The following EPB41L4A variants were observed in gnomAD, a reference collection of about 807,000 sequenced individuals.
EPB41L4A encodes erythrocyte membrane protein band 4.1 like 4A, also known as band 4.1-like protein 4A.
A neutral mutation model predicts 108.6 loss-of-function variants in EPB41L4A; 100 were observed. The ratio of observed to expected loss-of-function variants is 0.92; its 90% CI spans 0.78 to 1.09. EPB41L4A has a LOEUF of 1.09. Among genes scored for constraint, EPB41L4A ranks in the 50% least tolerant of loss-of-function variants. EPB41L4A has a pLI of 0.00. For synonymous variants in EPB41L4A, 319 were observed against 289.0 expected (o/e 1.10, Z -1.05); for missense variants, 1,030 against 842.7 (o/e 1.22, Z -2.75).
chr5:112,171,075 T>G (rs1170624169), intron 18 of EPB41L4A, 83 bp from the exon 19 acceptor site: 4 of 1,231,920 alleles, frequency 3.2e-6, no homozygotes, highest in Non-Finnish European at 4.7e-6. Context: ...GTTTTCAGAC[T>G]GTGAAGTTCT....
At chr5:112,359,000 G>A (rs1042327462) in intron 1 of EPB41L4A, among the ~76,000 whole-genome samples, 1 of 152,102 alleles carries the variant, frequency 6.6e-6, no homozygotes. Context: ...TTAGCCTAAA[G>A]GGCTAAAATT....
chr5:112,171,938 T>C (rs1760603384), intron 18 of EPB41L4A, among the ~76,000 whole-genome samples: 1 of 135,626 alleles, frequency 7.4e-6, no homozygotes, highest in Non-Finnish European at 1.5e-5. Context: ...ATAATGCTTT[T>C]AGTGTATGAT....
intron 1 of EPB41L4A, among the ~76,000 whole-genome samples, chr5:112,310,820 A>G (rs777231341): frequency 2.4e-4 from 37 of 152,148 alleles, no homozygotes; most frequent in South Asian, 8.3e-4. Flanking sequence ...GGCTCCCAGA[A>G]TAACTGACAG....
chr5:112,259,392 C>T, intron 8 of EPB41L4A, 100 bp from the exon 9 acceptor site: 1 of 881,110 alleles, frequency 1.1e-6, no homozygotes, highest in Non-Finnish European at 1.9e-6. Context: ...AATACTGGCT[C>T]CTTTATATAC....
chr5:112,243,004 A>G (rs1749911362), intron 9 of EPB41L4A, among the ~76,000 whole-genome samples: 1 of 152,138 alleles, frequency 6.6e-6, no homozygotes, highest in Admixed American at 6.5e-5. Context: ...ACCTGAGGTC[A>G]GGAGTTCAAG....
chr5:112,254,189 G>A (rs1335661189), intron 9 of EPB41L4A, among the ~76,000 whole-genome samples: 2 of 151,996 alleles, frequency 1.3e-5, no homozygotes, highest in Admixed American at 1.3e-4. Context: ...CCAATTTCTG[G>A]GCTTAGTCCT....
intron 1 of EPB41L4A, among the ~76,000 whole-genome samples, chr5:112,351,880 G>C (rs1758065286): frequency 1.3e-5 from 2 of 152,266 alleles, no homozygotes; most frequent in Non-Finnish European, 2.9e-5. Context: ...TCCATCAACA[G>C]AATGAAAGAA....
intron 1 of EPB41L4A, among the ~76,000 whole-genome samples, chr5:112,333,724 A>G (rs1004978375): frequency 3.3e-5 from 5 of 152,246 alleles, no homozygotes; most frequent in Admixed American, 3.3e-4. Flanking sequence ...ACATGTCACC[A>G]GTTCTCTTTT....
At chr5:112,205,280 T>G in intron 14 of EPB41L4A, 141 bp downstream of exon 14, 1 of 763,512 alleles carries the variant, frequency 1.3e-6, no homozygotes, top group East Asian at 2.5e-5. Context: ...CTCCCCTGGG[T>G]CACATTGATT....
intron 1 of EPB41L4A, among the ~76,000 whole-genome samples, chr5:112,393,766 A>T (rs1580820005): frequency 6.6e-6 from 1 of 152,208 alleles, no homozygotes; most frequent in African/African-American, 2.4e-5. Context: ...CTGATACCAA[A>T]GCCTGGCAGA....
chr5:112,280,737 C>T (rs1290422104), intron 2 of EPB41L4A, among the ~76,000 whole-genome samples: 1 of 152,198 alleles, frequency 6.6e-6, no homozygotes, highest in Non-Finnish European at 1.5e-5. Flanking sequence ...AATTATCATA[C>T]TGATTATAAT....
At chr5:112,387,294 A>T (rs1250445729) in intron 1 of EPB41L4A, among the ~76,000 whole-genome samples, 1 of 152,172 alleles carries the variant, frequency 6.6e-6, no homozygotes, top group Non-Finnish European at 1.5e-5. Context: ...CTTCCCATCA[A>T]TTTAAGTATC....
chr5:112,384,483 C>G (rs1326084095), intron 1 of EPB41L4A, among the ~76,000 whole-genome samples: 1 of 151,960 alleles, frequency 6.6e-6, no homozygotes, highest in Non-Finnish European at 1.5e-5. Context: ...GCAAAGATGA[C>G]TCTGTTGCAA....
At position 112,184,029 on chromosome 5, in the gene EPB41L4A, G is replaced by T; in HGVS notation, c.1609C>A (p.His537Asn). 1 of 1,614,048 alleles carries T rather than the reference G, an allele frequency of 6.2e-7. No homozygotes were observed. Among genetic ancestry groups the T allele is most frequent in the Non-Finnish European group, 8.5e-7 (1 of 1,179,936 alleles). Residue 537 changes from histidine to asparagine, a missense_variant, in exon 18 of 23, where the codon CAC (histidine) becomes AAC (asparagine). Physicochemically the swap from His to Asn is moderately conservative, Grantham distance 68 (BLOSUM62 1). Transcript: ENST00000261486. ...GAGTCCACATACGAACGAGATCTGT[G>T]TCTGGATCGCCTGTTGTTGGGGTCG... ...QADPNNRRSRHRSRSRSPDIQ... is the reference protein window; with the variant it reads ...QADPNNRRSRNRSRSRSPDIQ...
chr5:112,269,722 G>A (rs1313298291), intron 4 of EPB41L4A, among the ~76,000 whole-genome samples: 1 of 152,128 alleles, frequency 6.6e-6, no homozygotes, highest in Non-Finnish European at 1.5e-5. Flanking sequence ...TGTGACTCTA[G>A]TTACATTGTA....
intron 9 of EPB41L4A, among the ~76,000 whole-genome samples, chr5:112,244,370 T>C (rs1225568744): frequency 6.6e-6 from 1 of 152,174 alleles, no homozygotes; most frequent in Non-Finnish European, 1.5e-5. Context: ...GTGGCTACAC[T>C]GTCTGGGGTA....
intron 12 of EPB41L4A, among the ~76,000 whole-genome samples, chr5:112,156,129 A>T (rs564802085): frequency 9.8e-5 from 15 of 152,290 alleles, no homozygotes; most frequent in African/African-American, 3.6e-4. Context: ...AAGAACCCAT[A>T]TGTTCATCTC....
intron 18 of EPB41L4A, among the ~76,000 whole-genome samples, chr5:112,178,972 TA>T (rs35304235): frequency 0.07 from 10,386 of 149,328 alleles, 415 homozygotes; most frequent in Middle Eastern, 0.091. Context: ...AAAAATAAAT[TA>T]AAAAAAAATG....
At chr5:112,217,013 C>T (rs2150327067) in intron 12 of EPB41L4A, among the ~76,000 whole-genome samples, 1 of 152,074 alleles carries the variant, frequency 6.6e-6, no homozygotes. Flanking sequence ...GCTCAGCCAC[C>T]CACTCACTGC....
Sources: gnomAD v4.1 joint callset for allele counts (sites outside exome capture counted in the v4.1 genomes callset) on GRCh38, gnomAD v4.1.1 for gene constraint, MANE v1.5 for transcripts, NCBI Gene and HGNC (gene_info 2026-07-23, HGNC 2026-07-21) for gene names.